The following NBAS variants were observed in gnomAD, a reference collection of about 807,000 sequenced individuals.
NBAS encodes the protein NAG/BC035112 fusion.
A neutral mutation model predicts 302.5 loss-of-function variants in NBAS; 219 were observed. The ratio of observed to expected loss-of-function variants is 0.72; its 90% confidence interval spans 0.65 to 0.81. The LOEUF (loss-of-function observed/expected upper bound fraction) is 0.81, where lower values mean the gene tolerates loss of function less well. Ranked by LOEUF, NBAS falls within the 30% of genes least tolerant of loss-of-function variation. NBAS has a pLI of 0.00. For missense variants in NBAS, 2,932 were observed against 2,841.6 expected, an observed-to-expected ratio of 1.03 and a Z score of -0.72; for synonymous variants, 1,118 against 1,021.6, an observed-to-expected ratio of 1.09 and a Z score of -1.80.
At chr2:15,103,240 C>T in the NBAS span, among the ~76,000 whole-genome samples, 48 of 152,148 alleles carry the variant, frequency 3.2e-4, no homozygotes, top group Admixed American at 5.9e-4. Context: ...CTTCCCCACA[C>T]GTCAAGCTCC....
chr2:15,166,451 G>C (rs372790807), downstream of NBAS, among the ~76,000 whole-genome samples: 16 of 152,308 alleles, frequency 1.1e-4, no homozygotes, highest in African/African-American at 3.8e-4. Flanking sequence ...TGTGACACTA[G>C]TGAGTGGGAC....
chr2:15,462,560 A>T (rs1363092919), intron 19 of NBAS, among the ~76,000 whole-genome samples: 1 of 141,484 alleles, frequency 7.1e-6, no homozygotes, highest in Non-Finnish European at 1.6e-5. Flanking sequence ...GCCAATAAAT[A>T]TTTGTTGACT....
the NBAS span, among the ~76,000 whole-genome samples, chr2:14,974,396 T>C: frequency 2.0e-5 from 3 of 152,044 alleles, no homozygotes; most frequent in African/African-American, 7.2e-5. Context: ...CCAGAGAAAA[T>C]GACTTTGCTG....
chr2:15,361,058 C>A (rs1673895748), intron 32 of NBAS, among the ~76,000 whole-genome samples: 1 of 152,084 alleles, frequency 6.6e-6, no homozygotes, highest in Non-Finnish European at 1.5e-5. Context: ...ATCTCCATCA[C>A]CATAAAAAAG....
chr2:15,351,932 A>G (rs1673379505), intron 35 of NBAS, 60 bp downstream of exon 35: 4 of 1,252,546 alleles, frequency 3.2e-6, no homozygotes, highest in Non-Finnish European at 4.7e-6. Flanking sequence ...AAGGTTAGGT[A>G]ATCCCACTTT....
At chr2:15,306,522 G>A (rs917905777) in intron 40 of NBAS, among the ~76,000 whole-genome samples, 1 of 152,136 alleles carries the variant, frequency 6.6e-6, no homozygotes, top group Non-Finnish European at 1.5e-5. Context: ...ACCACAAATG[G>A]AAGGTTTTCA....
chr2:15,040,746 G>A, the NBAS span, among the ~76,000 whole-genome samples: 7 of 152,114 alleles, frequency 4.6e-5, no homozygotes, highest in Non-Finnish European at 7.3e-5. Context: ...CCAGGAGGTG[G>A]CCTTCACAGG....
intron 11 of NBAS, among the ~76,000 whole-genome samples, chr2:15,501,157 C>T (rs986449264): frequency 1.7e-4 from 26 of 151,300 alleles, no homozygotes; most frequent in African/African-American, 5.1e-4. Flanking sequence ...AAAAGTTAGC[C>T]GGGTATGGTG....
intron 8 of NBAS, 36 bp from the exon 9 acceptor site, chr2:15,534,677 T>C (rs537750717): frequency 2.1e-6 from 3 of 1,421,180 alleles, no homozygotes; most frequent in South Asian, 2.3e-5. Flanking sequence ...GTAAATACCA[T>C]TAAACCACAA....
chr2:14,895,839 A>T, the NBAS span, among the ~76,000 whole-genome samples: 1 of 152,110 alleles, frequency 6.6e-6, no homozygotes, highest in East Asian at 1.9e-4. Flanking sequence ...AACACTGAGG[A>T]CATCAAAAGG....
the NBAS span, among the ~76,000 whole-genome samples, chr2:14,799,589 T>C: frequency 6.6e-6 from 1 of 152,162 alleles, no homozygotes. Context: ...GCTGATAATA[T>C]TGCTTAATTG....
the NBAS span, among the ~76,000 whole-genome samples, chr2:15,127,408 A>C: frequency 1.3e-5 from 2 of 152,348 alleles, no homozygotes; most frequent in South Asian, 2.1e-4. Flanking sequence ...ATTCTCTCTC[A>C]ACAGCCCTGG....
Position 15,188,827 on chromosome 2 carries a change from A to C in NBAS, c.6572+1437T>G, listed in dbSNP as rs1665208496. On this transcript the variant is annotated intron_variant, in intron 49 of 51. Coordinates refer to ENST00000281513, the MANE Select transcript of NBAS (RefSeq NM_015909.4). Reference sequence around the variant, plus strand: ...CTAAAGTTAATCTCTTAGAGGTGTCATATTTTGAATTGGGAAATGAGGGTT... The same window carrying C: ...CTAAAGTTAATCTCTTAGAGGTGTCCTATTTTGAATTGGGAAATGAGGGTT... Among the ~76,000 whole-genome samples, 4 of 152,266 alleles carry C rather than the reference A, an allele frequency of 2.6e-5. No homozygotes were observed. In the South Asian group the frequency reaches 8.3e-4, roughly 32 times the overall value.
Position 15,275,687 on chromosome 2 carries a change from G to A in NBAS, c.5521C>T (p.Leu1841Phe). Residue 1841 changes from leucine (L) to phenylalanine (F), a missense_variant, in exon 44 of 52, where the codon CTT becomes TTT. By Grantham distance (22) the Leu-to-Phe change is conservative. Coordinates refer to ENST00000281513, the MANE Select transcript of NBAS (RefSeq NM_015909.4). The stretch of plus-strand genomic sequence containing the variant: ...ATGGTGTACAGAGAGCTTGGGGAAA[G>A]CATCTGTCCATCCTTTTCAGGGATT... Reference protein sequence around the residue: ...PKIPEKDGQMLSPSSLYTIWL... With the variant: ...PKIPEKDGQMFSPSSLYTIWL... The A allele has an allele frequency of 6.2e-7, 1 of 1,614,198 alleles. No individual in the cohort carries two copies. Among genetic ancestry groups the A allele is most frequent in the Non-Finnish European group, 8.5e-7 (1 of 1,180,046 alleles).
At chr2:15,253,897 T>C (rs769923167) in intron 44 of NBAS, among the ~76,000 whole-genome samples, 109 of 152,156 alleles carry the variant, frequency 7.2e-4, no homozygotes, top group Non-Finnish European at 1.4e-3. Flanking sequence ...GCCTTTAGCC[T>C]TCAAGCTGTC....
At chr2:15,446,779 A>G (rs1196420232) in intron 21 of NBAS, among the ~76,000 whole-genome samples, 5 of 152,126 alleles carry the variant, frequency 3.3e-5, no homozygotes, top group Non-Finnish European at 2.9e-5. Context: ...ATGGAAAAAC[A>G]TTATTTTAAG....
chr2:14,864,733 C>T, the NBAS span, among the ~76,000 whole-genome samples: 1 of 152,148 alleles, frequency 6.6e-6, no homozygotes, highest in Admixed American at 6.5e-5. Context: ...TGACCATGAG[C>T]AGTTGATTTA....
chr2:15,467,904 C>T, intron 17 of NBAS, 100 bp from the exon 18 acceptor site: 2 of 1,066,048 alleles, frequency 1.9e-6, no homozygotes, highest in African/African-American at 1.6e-5. Flanking sequence ...TTGATTTCCA[C>T]AAAAACAGAA....
the NBAS span, among the ~76,000 whole-genome samples, chr2:15,119,303 CTT>C: frequency 4.9e-3 from 527 of 107,708 alleles, 3 homozygotes; most frequent in Middle Eastern, 0.046. Context: ...GAAATCCTTT[CTT>C]TTTTTTTTTT....
Sources: allele counts gnomAD v4.1 joint callset (sites outside exome capture counted in the v4.1 genomes callset), GRCh38; gene constraint gnomAD v4.1.1; transcripts MANE v1.5; gene names NCBI Gene and HGNC (gene_info 2026-07-23, HGNC 2026-07-21).